Variants in MMP24 observed in about 807,000 individuals in gnomAD.
MMP24 encodes the protein matrix metalloproteinase-24.
MMP24 carries 25 observed loss-of-function variants against 62.8 expected under a neutral mutation model. The ratio of observed to expected loss-of-function variants is 0.40; its 90% confidence interval spans 0.29 to 0.56. The LOEUF is 0.56. Ranked by LOEUF, MMP24 falls within the 20% of genes least tolerant of loss-of-function variation. MMP24 has a pLI of 0.50. For synonymous variants in MMP24, 319 were observed against 350.5 expected (o/e 0.91, Z 1.00); for missense variants, 634 against 853.6 (o/e 0.74, Z 3.21).
chr20:35,275,055 T>A lies in MMP24; in HGVS notation c.*446T>A. 1 of 170,730 alleles carries A rather than the reference T, an allele frequency of 5.9e-6. No individual in the cohort carries two copies. The highest frequency in any genetic ancestry group is 1.3e-5 in the Non-Finnish European group (1 of 77,808). 10.6% of individuals were successfully genotyped at this position (170,730 alleles called of 1,614,324 possible). A position where few individuals can be genotyped will look rare whatever the true frequency, so the allele number is the denominator to read the frequency against. ...GTCCTGGTCCCCTTTTGCCAACACC[T>A]GCTGGTCAGATGTCCCCCTACCCCC... On this transcript the variant is annotated 3_prime_UTR_variant, in exon 9 of 9. Transcript: ENST00000246186.
At chr20:35,239,605 G>A (rs2060478881) in intron 1 of MMP24, among the ~76,000 whole-genome samples, 1 of 152,146 alleles carries the variant, frequency 6.6e-6, no homozygotes, top group African/African-American at 2.4e-5. Context: ...TGTATCACTT[G>A]AGCCTAGGAG....
chr20:35,267,186 A>G lies in MMP24; in HGVS notation c.980-19A>G. 6.4e-7 allele frequency: 1 copy of G among 1,559,008 alleles called. No individual in the cohort carries two copies. The highest frequency in any genetic ancestry group is 8.7e-7 in the Non-Finnish European group (1 of 1,149,790). ...GGGAAACGGCTGCCCCCTCTCTAAGATGCAGCTCCTCTCTCCAGGACCCCC... is the reference window on the plus strand; with the variant it reads ...GGGAAACGGCTGCCCCCTCTCTAAGGTGCAGCTCCTCTCTCCAGGACCCCC... On this transcript the variant is annotated intron_variant, in intron 5 of 8. Coordinates refer to ENST00000246186, the MANE Select transcript of MMP24 (RefSeq NM_006690.4).
At position 35,274,585 on chromosome 20, in the gene MMP24, G is replaced by T; in HGVS notation, c.1914G>T (p.Lys638Asn). The T allele has an allele frequency of 6.2e-7, 1 of 1,613,236 alleles. No homozygotes were observed. Among genetic ancestry groups the T allele is most frequent in the East Asian group, 2.2e-5 (1 of 44,840 alleles). The change falls in exon 9 of 9, where the codon AAG (lysine) becomes AAT (asparagine). Residue 638 changes from lysine to asparagine, a missense_variant. Lys to Asn is a moderately conservative substitution (Grantham distance 94). Coordinates refer to ENST00000246186, the MANE Select transcript of MMP24 (RefSeq NM_006690.4). This position sits in a 1 kb window ranked among gnomAD's most constrained non-coding sequence, Gnocchi z 5.1. ...GCCCTCAGCCTGTCACCTACTATAA[G>T]CGGCCAGTCCAGGAATGGGTGTGAG... ...KTGPQPVTYY[K>N]RPVQEWV
chr20:35,257,766 T>C (rs1225394363), intron 4 of MMP24, among the ~76,000 whole-genome samples: 1 of 152,176 alleles, frequency 6.6e-6, no homozygotes, highest in East Asian at 1.9e-4. Context: ...GACTGCCAAT[T>C]CTGATAGAAA....
intron 1 of MMP24, among the ~76,000 whole-genome samples, chr20:35,240,687 T>TA (rs2060484763): frequency 6.6e-6 from 1 of 152,194 alleles, no homozygotes; most frequent in South Asian, 2.1e-4. Flanking sequence ...CTCTAATAGA[T>TA]ACCAGGAATT....
intron 1 of MMP24, among the ~76,000 whole-genome samples, chr20:35,235,652 C>T (rs967874125): frequency 2.0e-5 from 3 of 152,134 alleles, no homozygotes; most frequent in Admixed American, 2.0e-4. Flanking sequence ...GAGCCAAAAT[C>T]ACGCCATTGC....
chr20:35,235,610 A>G (rs2060459089), intron 1 of MMP24, among the ~76,000 whole-genome samples: 1 of 152,178 alleles, frequency 6.6e-6, no homozygotes, highest in Admixed American at 6.5e-5. Flanking sequence ...AGGCAGGAGA[A>G]TCACTTGAAC....
chr20:35,246,459 A>C (rs1225497179), intron 1 of MMP24, among the ~76,000 whole-genome samples: 1 of 152,162 alleles, frequency 6.6e-6, no homozygotes, highest in Non-Finnish European at 1.5e-5. Context: ...CCTGGCGACA[A>C]AGCTGGACTC....
intron 1 of MMP24, among the ~76,000 whole-genome samples, chr20:35,242,686 C>T (rs897576872): frequency 2.0e-5 from 3 of 152,142 alleles, no homozygotes; most frequent in East Asian, 1.9e-4. Context: ...TCCATTTAGC[C>T]GTCGTTTCTC....
At chr20:35,234,161 G>T (rs2060451126) in intron 1 of MMP24, among the ~76,000 whole-genome samples, 1 of 152,054 alleles carries the variant, frequency 6.6e-6, no homozygotes, top group African/African-American at 2.4e-5. Context: ...CAGGAATTCA[G>T]TAAGGTACTC....
chr20:35,261,702 C>A (rs1213522731), intron 4 of MMP24, among the ~76,000 whole-genome samples: 2 of 152,140 alleles, frequency 1.3e-5, no homozygotes, highest in Non-Finnish European at 2.9e-5. Context: ...GCCCGGGCCC[C>A]ACCTGCCCTG....
chr20:35,269,641 G>C lies in MMP24; in HGVS notation c.1195-119G>C. 2 of 1,247,810 alleles carry C rather than the reference G, an allele frequency of 1.6e-6. No individual in the cohort carries two copies. The highest frequency in any genetic ancestry group is 1.5e-5 in the African/African-American group (1 of 65,786). The allele number at this position is 1,247,810 out of a possible 1,614,324, so 77.3% of individuals were successfully genotyped here. On this transcript the variant is annotated intron_variant, in intron 6 of 8. Coordinates refer to ENST00000246186, the MANE Select transcript of MMP24 (RefSeq NM_006690.4). The surrounding 1 kb of genome is among the most constrained non-coding windows in gnomAD (Gnocchi z 4.6). ...CCCAGGGCTTTAAAAGTCAGAAGCAGCTAATGGACAGTCTCGGTGGAGGGC... is the reference window on the plus strand; with the variant it reads ...CCCAGGGCTTTAAAAGTCAGAAGCACCTAATGGACAGTCTCGGTGGAGGGC...
intron 5 of MMP24, 124 bp downstream of exon 5, chr20:35,264,076 G>GT: frequency 9.0e-7 from 1 of 1,106,698 alleles, no homozygotes; most frequent in Non-Finnish European, 1.2e-6. Context: ...CTGTTTCTCT[G>GT]TGTGTGACCT....
Position 35,271,614 on chromosome 20 carries a change from A to G in MMP24, c.1379A>G (p.Tyr460Cys). 6.2e-7 allele frequency: 1 copy of G among 1,612,296 alleles called. No individual in the cohort carries two copies. The highest frequency in any genetic ancestry group is 8.5e-7 in the Non-Finnish European group (1 of 1,179,312). The change falls in exon 8 of 9, where the codon TAC becomes TGC. Residue 460 changes from tyrosine to cysteine, a missense_variant. Physicochemically the swap from Tyr to Cys is radical, Grantham distance 194. Transcript: ENST00000246186. This position sits in a 1 kb window ranked among gnomAD's most constrained non-coding sequence, Gnocchi z 4.0. ...VFKEVTVEPG[Y>C]PHSLGELGSC... Reference sequence around the variant, plus strand: ...AAGGAGGTGACGGTGGAGCCTGGGTACCCCCACAGCCTGGGGGAGCTGGGC... The same window carrying G: ...AAGGAGGTGACGGTGGAGCCTGGGTGCCCCCACAGCCTGGGGGAGCTGGGC...
chr20:35,252,106 G>A (rs1205765164), intron 3 of MMP24, 85 bp downstream of exon 3: 5 of 1,110,770 alleles, frequency 4.5e-6, no homozygotes, highest in Non-Finnish European at 6.8e-6. Flanking sequence ...GGCTCACAAT[G>A]TAGGGGGGCC....
intron 2 of MMP24, among the ~76,000 whole-genome samples, chr20:35,251,109 G>T (rs2060543320): frequency 6.9e-6 from 1 of 145,232 alleles, no homozygotes; most frequent in East Asian, 1.9e-4. Flanking sequence ...CAGTTGTTAA[G>T]CCACTTCTTT....
At position 35,245,584 on chromosome 20, in the gene MMP24, G is replaced by T. The variant is rs150413450; in HGVS notation, c.247-1256G>T. Among the ~76,000 whole-genome samples, 474 of 151,966 alleles carry T rather than the reference G, an allele frequency of 3.1e-3. 1 individual carries two copies. Among genetic ancestry groups the T allele is most frequent in the Middle Eastern group, 0.027 (8 of 294 alleles). On this transcript the variant is annotated intron_variant, in intron 1 of 8. Transcript: ENST00000246186. ...CTGCCTTAGCCTCCTGAGTAGCTGG[G>T]ATTACAGGTGTGCACCACCACGACT...
chr20:35,274,170 C>A lies in MMP24; in HGVS notation c.1601-102C>A. The A allele has an allele frequency of 2.5e-6, 3 of 1,203,472 alleles. No individual in the cohort carries two copies. In the East Asian group the frequency reaches 7.1e-5, roughly 29 times the overall value. The allele number at this position is 1,203,472 out of a possible 1,614,324, so 74.5% of individuals were successfully genotyped here. Reference sequence around the variant, plus strand: ...ACCCCAAACCTCCAGGTGTGCCCACCTTGCCTCCCTTGCCACAGTGCCTGT... The same window carrying A: ...ACCCCAAACCTCCAGGTGTGCCCACATTGCCTCCCTTGCCACAGTGCCTGT... On this transcript the variant is annotated intron_variant, in intron 8 of 8. Transcript: ENST00000246186. This position sits in a 1 kb window ranked among gnomAD's most constrained non-coding sequence, Gnocchi z 5.1.
intron 8 of MMP24, among the ~76,000 whole-genome samples, chr20:35,273,363 T>C (rs888136305): frequency 6.7e-5 from 10 of 149,296 alleles, no homozygotes; most frequent in Non-Finnish European, 1.3e-4. Context: ...ACCACTGTAC[T>C]CCAGCCTAGG....
Sources: gnomAD v4.1 joint callset for allele counts (sites outside exome capture counted in the v4.1 genomes callset) on GRCh38, gnomAD v4.1.1 for gene constraint, Gnocchi (gnomAD v3.1) non-coding constraint, MANE v1.5 for transcripts, NCBI Gene and HGNC (gene_info 2026-07-23, HGNC 2026-07-21) for gene names.